The following DNAH11 variants were observed in gnomAD, a reference collection of about 807,000 sequenced individuals.
The protein encoded by DNAH11 is axonemal beta dynein heavy chain 11.
A neutral mutation model predicts 526.0 loss-of-function variants in DNAH11; 442 were observed. The ratio of observed to expected loss-of-function variants is 0.84; its 90% CI spans 0.78 to 0.91. DNAH11 has a LOEUF of 0.91. Ranked by LOEUF, DNAH11 falls within the 40% of genes least tolerant of loss-of-function variation. The pLI is 0.00. For synonymous variants in DNAH11, 2,461 were observed against 1,935.9 expected (o/e 1.27, Z -7.12); for missense variants, 6,989 against 5,448.7 (o/e 1.28, Z -8.90).
Position 21,862,009 on chromosome 7 carries a change from C to T in DNAH11, c.11359C>T (p.Gln3787Ter). The change falls in exon 69 of 82, where the codon CAG (glutamine) becomes TAG (stop). Residue 3787 changes from glutamine (Q) to a stop codon, truncating the protein, a stop_gained. Coordinates refer to ENST00000409508, the MANE Select transcript of DNAH11 (RefSeq NM_001277115.2). LOFTEE classifies it high-confidence loss of function. ...FEKDKLTFLS[Q>*]MAFQILLRKK... The stretch of plus-strand genomic sequence containing the variant: ...GAAGGACAAGCTCACCTTCCTGTCC[C>T]AGATGGCTTTTCAGGTAAGGAGATC... 1.2e-6 allele frequency: 2 copies of T among 1,612,230 alleles called. No individual in the cohort carries two copies. The highest frequency in any genetic ancestry group is 1.7e-6 in the Non-Finnish European group (2 of 1,179,172).
rs772894984 is a variant in DNAH11 at position 21,615,153 on chromosome 7, C to G, written c.3892C>G (p.Gln1298Glu). The change falls in exon 21 of 82, where the codon CAG (glutamine) becomes GAG (glutamate). Residue 1298 changes from glutamine to glutamate, a missense_variant. Transcript: ENST00000409508. ...ELEALEEEML[Q>E]MQESTRLFEV... ...TGAGGCCTTAGAAGAAGAAATGTTGCAGATGCAAGAATCTACTCGTCTTTT... is the reference window on the plus strand; with the variant it reads ...TGAGGCCTTAGAAGAAGAAATGTTGGAGATGCAAGAATCTACTCGTCTTTT... 9.9e-6 allele frequency: 16 copies of G among 1,612,506 alleles called. 1 individual carries two copies. The South Asian group carries it at 1.7e-4, about 17-fold the overall frequency.
At chr7:21,654,182 A>G (rs1055522857) in intron 28 of DNAH11, among the ~76,000 whole-genome samples, 1 of 152,072 alleles carries the variant, frequency 6.6e-6, no homozygotes, top group African/African-American at 2.4e-5. Flanking sequence ...CTAATTCCAA[A>G]CCATTTTCAT....
chr7:21,639,156 C>G (rs1787009395), intron 28 of DNAH11, 91 bp downstream of exon 28: 11 of 1,418,220 alleles, frequency 7.8e-6, no homozygotes, highest in Non-Finnish European at 1.0e-5. Flanking sequence ...CCTGTCATGT[C>G]ACGTGGGCCA....
chr7:21,823,075 C>G (rs918635350), intron 65 of DNAH11, among the ~76,000 whole-genome samples: 2 of 143,626 alleles, frequency 1.4e-5, no homozygotes, highest in Non-Finnish European at 3.0e-5. Flanking sequence ...TGTAGGTTGT[C>G]TCTTCACTCC....
intron 77 of DNAH11, among the ~76,000 whole-genome samples, chr7:21,894,169 G>A (rs550249122): frequency 3.7e-4 from 57 of 152,244 alleles, no homozygotes; most frequent in Non-Finnish European, 6.8e-4. Flanking sequence ...GATTACAGGC[G>A]TGAGCCACTG....
chr7:21,647,053 G>A (rs532450284), intron 28 of DNAH11, among the ~76,000 whole-genome samples: 33 of 152,264 alleles, frequency 2.2e-4, no homozygotes, highest in African/African-American at 7.7e-4. Context: ...GTAATTATAT[G>A]TGTATTTCAT....
intron 18 of DNAH11, among the ~76,000 whole-genome samples, chr7:21,603,678 G>C (rs1255440897): frequency 6.6e-6 from 1 of 152,196 alleles, no homozygotes; most frequent in Admixed American, 6.5e-5. Flanking sequence ...AAGATGACAA[G>C]TTCTAGACAG....
intron 8 of DNAH11, among the ~76,000 whole-genome samples, chr7:21,575,841 A>C (rs1310929371): frequency 6.6e-6 from 1 of 152,126 alleles, no homozygotes. Flanking sequence ...ATCCCTTACT[A>C]TATTTTGGCA....
chr7:21,697,148 G>GTA (rs1274116812), intron 35 of DNAH11, among the ~76,000 whole-genome samples: 2 of 152,168 alleles, frequency 1.3e-5, no homozygotes, highest in Non-Finnish European at 2.9e-5. Context: ...TTATTGGAAT[G>GTA]TATACTTTAA....
chr7:21,815,556 C>T (rs189834040), intron 63 of DNAH11, among the ~76,000 whole-genome samples: 2 of 152,196 alleles, frequency 1.3e-5, no homozygotes, highest in East Asian at 3.9e-4. Context: ...GATACAGCCT[C>T]CCCTACCTAC....
At chr7:21,834,058 C>T (rs1335998960) in intron 65 of DNAH11, among the ~76,000 whole-genome samples, 1 of 152,184 alleles carries the variant, frequency 6.6e-6, no homozygotes, top group African/African-American at 2.4e-5. Flanking sequence ...ATATTCTTCT[C>T]ATCAGCAAAT....
chr7:21,862,122 C>CTT (rs35912578), intron 69 of DNAH11, 99 bp downstream of exon 69: 71,568 of 881,464 alleles, frequency 0.081, no homozygotes, highest in Non-Finnish European at 0.095. Flanking sequence ...ATATAATAGA[C>CTT]TTTTTTTTTT....
rs115493312 is a variant in DNAH11, at chr7:21,726,044, C to T, written c.7440+60C>T. The T allele has an allele frequency of 6.3e-4, 900 of 1,420,254 alleles. 4 individuals are homozygous for T. The African/African-American group carries it at 0.011, about 18-fold the overall frequency. The allele number at this position is 1,420,254 out of a possible 1,614,324, so 88.0% of individuals were successfully genotyped here. A position where few individuals can be genotyped will look rare whatever the true frequency, so the allele number is the denominator to read the frequency against. ...GTTTTCATATTGCTATAAAAAATAC[C>T]TGCAACTGGGTAATTTATAAAGAAA... On this transcript the variant is annotated intron_variant, in intron 45 of 81. Transcript: ENST00000409508.
At chr7:21,773,711 G>A (rs1227983847) in intron 55 of DNAH11, 55 bp from the exon 56 acceptor site, 2 of 1,054,092 alleles carry the variant, frequency 1.9e-6, no homozygotes, top group African/African-American at 1.7e-5. Flanking sequence ...TTTTTTTTAA[G>A]TTGTATTTTT....
At chr7:21,656,658 G>A (rs1342071815) in intron 29 of DNAH11, among the ~76,000 whole-genome samples, 1 of 152,134 alleles carries the variant, frequency 6.6e-6, no homozygotes, top group Non-Finnish European at 1.5e-5. Flanking sequence ...CGTAGCTTGG[G>A]TTAATCCACA....
chr7:21,760,571 A>G (rs1786855179), intron 54 of DNAH11, among the ~76,000 whole-genome samples: 1 of 152,248 alleles, frequency 6.6e-6, no homozygotes, highest in African/African-American at 2.4e-5. Flanking sequence ...TTAGATTTTG[A>G]AATTTTGTTG....
chr7:21,811,069 TATAA>T (rs552047282), intron 63 of DNAH11, among the ~76,000 whole-genome samples: 200 of 152,238 alleles, frequency 1.3e-3, no homozygotes, highest in Middle Eastern at 6.8e-3. Context: ...AAACATACGG[TATAA>T]ATACACAACA....
chr7:21,867,325 A>G (rs1473577054), intron 71 of DNAH11, among the ~76,000 whole-genome samples: 1 of 152,156 alleles, frequency 6.6e-6, no homozygotes, highest in African/African-American at 2.4e-5. Flanking sequence ...AGTTCAGCCA[A>G]TTTTCCCTTT....
At chr7:21,821,489 AT>A (rs1790047941) in intron 65 of DNAH11, among the ~76,000 whole-genome samples, 1 of 152,162 alleles carries the variant, frequency 6.6e-6, no homozygotes, top group African/African-American at 2.4e-5. Flanking sequence ...AGAGACATTA[AT>A]TAACGTCCTC....
Sources: allele counts gnomAD v4.1 joint callset (sites outside exome capture counted in the v4.1 genomes callset), GRCh38; gene constraint gnomAD v4.1.1; transcripts MANE v1.5; gene names NCBI Gene and HGNC (gene_info 2026-07-23, HGNC 2026-07-21).